Variants in SETD1A observed in about 807,000 individuals in gnomAD.
SETD1A encodes SET domain containing 1A, histone lysine methyltransferase, also known as histone-lysine N-methyltransferase SETD1A.
SETD1A carries 29 observed loss-of-function variants against 149.9 expected under a neutral mutation model. The ratio of observed to expected loss-of-function variants is 0.19; its 90% CI spans 0.14 to 0.26. The LOEUF (loss-of-function observed/expected upper bound fraction) is 0.26. SETD1A is among the 10% of genes least tolerant of loss of function. SETD1A has a pLI of 1.00. For synonymous variants in SETD1A, 1,141 were observed against 968.5 expected, an observed-to-expected ratio of 1.18 and a Z score of -3.31; for missense variants, 2,109 against 2,353.1, an observed-to-expected ratio of 0.90 and a Z score of 2.15.
At chr16:30,968,557 C>T (rs1420591100) in intron 10 of SETD1A, among the ~76,000 whole-genome samples, 1 of 151,974 alleles carries the variant, frequency 6.6e-6, no homozygotes, top group African/African-American at 2.4e-5. Context: ...AATCCCAGCA[C>T]TTTGGGAGGC....
rs2056147439 is a variant in SETD1A at position 30,966,371 on chromosome 16, G to A, written c.2490G>A (p.Lys830=). 2 of 1,609,090 alleles carry A rather than the reference G, an allele frequency of 1.2e-6. No individual in the cohort carries two copies. Among genetic ancestry groups the A allele is most frequent in the African/African-American group, 1.3e-5 (1 of 75,006 alleles). ...CCTTTGACCAGTGGTGGGAGAGCAA[G>A]GAGGAGAAGGCCAAGGTGAGGCCAG... The part of the protein sequence containing the change: ...FGAFDQWWES[K]EEKAKPFQNA... The change falls in exon 8 of 19, where the codon AAG becomes AAA. Residue 830 remains lysine, a synonymous_variant. Transcript: ENST00000262519.
Position 30,964,800 on chromosome 16 carries a change from C to G in SETD1A, c.1058C>G (p.Ser353Cys). 6.2e-7 allele frequency: 1 copy of G among 1,614,176 alleles called. No homozygotes were observed. Among genetic ancestry groups the G allele is most frequent in the Non-Finnish European group, 8.5e-7 (1 of 1,180,000 alleles). The change falls in exon 7 of 19, where the codon TCC becomes TGC. Residue 353 changes from serine to cysteine, a missense_variant. Transcript: ENST00000262519. ...SLSSSSSSSS[S>C]SSSSQFRSSD... ...TCCTCGTCCTCCTCGTCATCCTCTT[C>G]CTCCTCGTCCTCTCAGTTTCGTAGT...
In SETD1A at chr16:30,971,681, C is replaced by A. The variant is rs777182446; in HGVS notation, c.3320C>A (p.Pro1107His). ...AGGGTTGCAGGCTCCCCAGTCACAC[C>A]CCTGCCCGAACAGGAGGCGTCTCCA... ...PERVAGSPVT[P>H]LPEQEASPAR... is the part of the protein sequence containing the mutation. The change falls in exon 13 of 19, where the codon CCC (proline) becomes CAC (histidine). Residue 1107 changes from proline to histidine, a missense_variant. Around this residue, in one of 8 missense-constraint regions of SETD1A, gnomAD observed 832 missense variants for 815.6 expected, o/e 1.02. Transcript: ENST00000262519. The A allele has an allele frequency of 1.9e-6, 3 of 1,594,440 alleles. No homozygotes were observed. In the Admixed American group the frequency reaches 5.2e-5, roughly 27 times the overall value.
chr16:30,984,061 C>T lies in SETD1A; in HGVS notation c.*38C>T, dbSNP rs751251255. On this transcript the variant is annotated 3_prime_UTR_variant, in exon 19 of 19. Coordinates refer to ENST00000262519, the MANE Select transcript of SETD1A (RefSeq NM_014712.3). ...TGGGTGCCCACACCCCTATTTATTC[C>T]CCCTGGTGCCCTGAGCTCCCAGCAC... The T allele has an allele frequency of 9.6e-6, 15 of 1,570,014 alleles. No homozygotes were observed. The highest frequency in any genetic ancestry group is 7.0e-5 in the Admixed American group (4 of 57,190).
At chr16:30,978,296 G>C (rs1251925640) in intron 13 of SETD1A, among the ~76,000 whole-genome samples, 1 of 148,336 alleles carries the variant, frequency 6.7e-6, no homozygotes, top group East Asian at 1.9e-4. Flanking sequence ...AAAAAAGATA[G>C]GAACCTCTTT....
At position 30,966,195 on chromosome 16, in the gene SETD1A, C is replaced by A. The variant is rs374763039; in HGVS notation, c.2314C>A (p.Pro772Thr). 2 of 1,612,508 alleles carry A rather than the reference C, an allele frequency of 1.2e-6. No homozygotes were observed. The highest frequency in any genetic ancestry group is 1.7e-6 in the Non-Finnish European group (2 of 1,179,448). Residue 772 changes from proline (P) to threonine (T), a missense_variant, in exon 8 of 19, where the codon CCA becomes ACA. Physicochemically the swap from Pro to Thr is conservative, Grantham distance 38 (BLOSUM62 -1). Around this residue, in one of 8 missense-constraint regions of SETD1A, gnomAD observed 431 missense variants for 388.6 expected, o/e 1.11. Transcript: ENST00000262519. ...SSVSGEEARL[P>T]PREEAELAEG... Reference sequence around the variant, plus strand: ...AGTCTCGGGAGAGGAGGCCCGGCTGCCACCCAGGGAAGAAGCAGAGCTGGC... The same window carrying A: ...AGTCTCGGGAGAGGAGGCCCGGCTGACACCCAGGGAAGAAGCAGAGCTGGC...
chr16:30,979,801 C>T lies in SETD1A; in HGVS notation c.4015C>T (p.Pro1339Ser). The T allele has an allele frequency of 1.9e-6, 3 of 1,575,432 alleles. No individual in the cohort carries two copies. Among genetic ancestry groups the T allele is most frequent in the East Asian group, 2.3e-5 (1 of 43,794 alleles). The part of the protein sequence containing the change: ...SSPADEVLEA[P>S]EVVVAEAEEP... ...CCCAGCTGATGAGGTCCTGGAGGCC[C>T]CCGAGGTGGTGGTGGCTGAGGCGGA... Residue 1339 changes from proline to serine, a missense_variant, in exon 14 of 19, where the codon CCC becomes TCC. Coordinates refer to ENST00000262519, the MANE Select transcript of SETD1A (RefSeq NM_014712.3).
At position 30,979,833 on chromosome 16, in the gene SETD1A, C is replaced by T. The variant is rs774540499; in HGVS notation, c.4047C>T (p.Pro1349=). The change falls in exon 14 of 19, where the codon CCC becomes CCT. Residue 1349 remains proline (P), a synonymous_variant. Coordinates refer to ENST00000262519, the MANE Select transcript of SETD1A (RefSeq NM_014712.3). The part of the protein sequence containing the change: ...PEVVVAEAEE[P]KPQQLQQQRE... The stretch of plus-strand genomic sequence containing the variant: ...TGGTGGTGGCTGAGGCGGAGGAGCC[C>T]AAGCCGCAGCAACTGCAGCAGCAGC... The T allele has an allele frequency of 5.9e-5, 91 of 1,547,986 alleles. 1 individual carries two copies. In the East Asian group the frequency reaches 2.1e-3, roughly 37 times the overall value.
At chr16:30,966,471 G>C in intron 8 of SETD1A, 85 bp downstream of exon 8, 3 of 1,484,624 alleles carry the variant, frequency 2.0e-6, no homozygotes, top group Non-Finnish European at 1.8e-6. Context: ...ACAGCTCAGA[G>C]GAGACAGGTG....
intron 13 of SETD1A, among the ~76,000 whole-genome samples, chr16:30,977,202 C>T (rs367658110): frequency 6.6e-6 from 1 of 152,204 alleles, no homozygotes; most frequent in Non-Finnish European, 1.5e-5. Flanking sequence ...CCTCGGCCTC[C>T]CAAAGTGCTG....
chr16:30,969,232 T>C, intron 10 of SETD1A, 73 bp from the exon 11 acceptor site: 1 of 1,452,928 alleles, frequency 6.9e-7, no homozygotes, highest in South Asian at 1.3e-5. Flanking sequence ...ATAGTATATG[T>C]AAAGCCCCTT....
chr16:30,980,127 C>T lies in SETD1A; in HGVS notation c.4341C>T (p.Tyr1447=), dbSNP rs140989531. The T allele has an allele frequency of 2.4e-5, 39 of 1,611,890 alleles. No individual in the cohort carries two copies. In the Middle Eastern group the frequency reaches 6.6e-4, roughly 27 times the overall value. ...SEDMSYLRLT[Y]ERLLQQTSGA... ...ACATGAGTTACCTGCGGCTTACGTA[C>T]GAGCGGCTGCTGCAGCAGACAAGCG... The change falls in exon 14 of 19, where the codon TAC becomes TAT. Residue 1447 remains tyrosine (Y), a synonymous_variant. Coordinates refer to ENST00000262519, the MANE Select transcript of SETD1A (RefSeq NM_014712.3). The surrounding 1 kb of genome is among the most constrained non-coding windows in gnomAD (Gnocchi z 7.7).
rs369743879 is a variant in SETD1A, at chr16:30,963,443, A to T, written c.528A>T (p.Arg176=). Residue 176 remains arginine (R), a synonymous_variant, in exon 5 of 19, where the codon CGA becomes CGT. Coordinates refer to ENST00000262519, the MANE Select transcript of SETD1A (RefSeq NM_014712.3). ...TTTCCCTCCCTCCAGGACAACAACG[A>T]ATGAAATACTATGAACTAATTGTCA... ...HAQLDIKGQQ[R]MKYYELIVNG... is the part of the protein sequence containing the mutation. The T allele has an allele frequency of 6.2e-6, 10 of 1,607,584 alleles. No individual in the cohort carries two copies. The highest frequency in any genetic ancestry group is 1.3e-5 in the African/African-American group (1 of 74,512).
Position 30,979,219 on chromosome 16 carries a change from C to T in SETD1A, c.3433C>T (p.Pro1145Ser), listed in dbSNP as rs1383848481. Residue 1145 changes from proline to serine, a missense_variant, in exon 14 of 19, where the codon CCA (proline) becomes TCA (serine). Transcript: ENST00000262519. ...ACCTGCTGGGCCCCCGGCCCCTGCCCCACGCCCCGATGAGCGTCCCTCTTC... is the reference window on the plus strand; with the variant it reads ...ACCTGCTGGGCCCCCGGCCCCTGCCTCACGCCCCGATGAGCGTCCCTCTTC... The part of the protein sequence containing the change: ...EPPAGPPAPA[P>S]RPDERPSSPI... The T allele has an allele frequency of 1.9e-6, 3 of 1,588,068 alleles. No individual in the cohort carries two copies. Among genetic ancestry groups the T allele is most frequent in the Non-Finnish European group, 1.7e-6 (2 of 1,166,360 alleles).
chr16:30,966,154 C>G lies in SETD1A; in HGVS notation c.2273C>G (p.Pro758Arg). 1 of 1,608,046 alleles carries G rather than the reference C, an allele frequency of 6.2e-7. No homozygotes were observed. The highest frequency in any genetic ancestry group is 8.5e-7 in the Non-Finnish European group (1 of 1,176,726). ...CTGCCCATGCCAATGGCAGCCGAGC[C>G]CCTGCCCTCCTCCTCAGTCTCGGGA... ...YHLPMPMAAE[P>R]LPSSSVSGEE... Residue 758 changes from proline (P) to arginine (R), a missense_variant, in exon 8 of 19, where the codon CCC becomes CGC. Around this residue, in one of 8 missense-constraint regions of SETD1A, gnomAD observed 431 missense variants for 388.6 expected, o/e 1.11. Coordinates refer to ENST00000262519, the MANE Select transcript of SETD1A (RefSeq NM_014712.3).
intron 17 of SETD1A, among the ~76,000 whole-genome samples, chr16:30,982,111 G>A (rs1265137951): frequency 6.6e-6 from 1 of 152,190 alleles, no homozygotes; most frequent in East Asian, 1.9e-4. Flanking sequence ...CCAGACAAGT[G>A]GTAGTGTGTG....
At position 30,964,838 on chromosome 16, in the gene SETD1A, T is replaced by G. The variant is rs2143490192; in HGVS notation, c.1096T>G (p.Tyr366Asp). The G allele has an allele frequency of 6.2e-7, 1 of 1,614,188 alleles. No individual in the cohort carries two copies. The highest frequency in any genetic ancestry group is 1.1e-5 in the South Asian group (1 of 91,084). Residue 366 changes from tyrosine (Y) to aspartate (D), a missense_variant, in exon 7 of 19, where the codon TAC becomes GAC. Around this residue, in one of 8 missense-constraint regions of SETD1A, gnomAD observed 410 missense variants for 394.8 expected, o/e 1.04. Transcript: ENST00000262519. ...SSQFRSSDAN[Y>D]PAYYESWNRY... Reference sequence around the variant, plus strand: ...TCAGTTTCGTAGTTCTGATGCAAACTACCCAGCGTATTATGAAAGCTGGAA... The same window carrying G: ...TCAGTTTCGTAGTTCTGATGCAAACGACCCAGCGTATTATGAAAGCTGGAA...
At chr16:30,969,744 T>G in intron 12 of SETD1A, 55 bp downstream of exon 12, 1 of 1,412,974 alleles carries the variant, frequency 7.1e-7, no homozygotes, top group Non-Finnish European at 1.0e-6. Flanking sequence ...TTCGGCTGCC[T>G]GGCTAGCCCT....
At chr16:30,981,038 TGA>T (rs1210243671) in intron 16 of SETD1A, 21 bp from the exon 17 acceptor site, 1 of 1,613,634 alleles carries the variant, frequency 6.2e-7, no homozygotes, top group African/African-American at 1.3e-5. Context: ...GTCTGGCAGT[TGA>T]GTCTCCCTTC....
Sources: allele counts gnomAD v4.1 joint callset (sites outside exome capture counted in the v4.1 genomes callset), GRCh38; gene constraint gnomAD v4.1.1; regional missense constraint gnomAD v4.1.1; non-coding constraint Gnocchi (gnomAD v3.1); transcripts MANE v1.5; gene names NCBI Gene and HGNC (gene_info 2026-07-23, HGNC 2026-07-21).